The following UNC79 variants were observed in gnomAD, a reference collection of about 807,000 sequenced individuals.
UNC79 encodes protein unc-79 homolog.
UNC79 carries 37 observed loss-of-function variants against 283.1 expected under a neutral mutation model. That is an observed-to-expected ratio of 0.13 (90% CI 0.10 to 0.17). The LOEUF (loss-of-function observed/expected upper bound fraction) is 0.17, where lower values mean the gene tolerates loss of function less well. Ranked by LOEUF, UNC79 falls within the 10% of genes least tolerant of loss-of-function variation. The probability of loss-of-function intolerance (pLI) is 1.00; values close to 1 mark genes in which losing one functional copy is unlikely to be tolerated. For synonymous variants in UNC79, 1,107 were observed against 1,200.2 expected, an observed-to-expected ratio of 0.92 and a Z score of 1.61; for missense variants, 2,272 against 3,211.1, an observed-to-expected ratio of 0.71 and a Z score of 7.07.
chr14:93,463,062 A>G (rs1234755151), intron 1 of UNC79, among the ~76,000 whole-genome samples: 2 of 152,224 alleles, frequency 1.3e-5, no homozygotes, highest in East Asian at 3.9e-4. Context: ...AGCCCTGATG[A>G]ATTCCAACAC....
intron 30 of UNC79, among the ~76,000 whole-genome samples, chr14:93,626,542 G>A (rs981273685): frequency 6.6e-6 from 1 of 151,972 alleles, no homozygotes; most frequent in Non-Finnish European, 1.5e-5. Context: ...CTTGATCCAT[G>A]TTCTCCCAAC....
chr14:93,691,990 G>T, intron 46 of UNC79, 44 bp downstream of exon 49: 1 of 1,592,766 alleles, frequency 6.3e-7, no homozygotes, highest in Non-Finnish European at 8.6e-7. Context: ...GAATCTCAAA[G>T]TGTCCACACC....
intron 41 of UNC79, among the ~76,000 whole-genome samples, chr14:93,680,396 TAG>T (rs1306046536): frequency 2.0e-5 from 3 of 152,202 alleles, no homozygotes; most frequent in Admixed American, 2.0e-4. Context: ...ACCATCCTTA[TAG>T]AGACAGCTCT....
upstream of UNC79, among the ~76,000 whole-genome samples, chr14:93,425,711 ATAAATT>A (rs2055711645): frequency 6.6e-6 from 1 of 152,230 alleles, no homozygotes; most frequent in South Asian, 2.1e-4. Context: ...AAACATAAAC[ATAAATT>A]TAAGTTGAAA....
intron 1 of UNC79, among the ~76,000 whole-genome samples, chr14:93,402,305 GAAA>G (rs1226529529): frequency 1.8e-5 from 2 of 113,072 alleles, no homozygotes; most frequent in African/African-American, 6.5e-5. Context: ...GAAAAGAAAA[GAAA>G]AAAAAAACCA....
chr14:93,646,707 G>A, intron 35 of UNC79, 61 bp downstream of exon 38: 2 of 1,588,064 alleles, frequency 1.3e-6, no homozygotes, highest in Non-Finnish European at 1.7e-6. Flanking sequence ...TGTTCATCCT[G>A]TTTCTAAAAC....
intron 1 of UNC79, among the ~76,000 whole-genome samples, chr14:93,457,217 TTA>T (rs2056821152): frequency 6.6e-6 from 1 of 152,242 alleles, no homozygotes; most frequent in Admixed American, 6.5e-5. Context: ...CAGACACTTA[TTA>T]AATGCTGGAT....
At chr14:93,367,656 G>C (rs1366666230) in intron 1 of UNC79, among the ~76,000 whole-genome samples, 2 of 152,060 alleles carry the variant, frequency 1.3e-5, no homozygotes, top group Non-Finnish European at 2.9e-5. Context: ...AACATAAGAG[G>C]GTAGGAATAA....
intron 30 of UNC79, among the ~76,000 whole-genome samples, chr14:93,628,630 C>T (rs117854726): frequency 0.015 from 2,318 of 152,198 alleles, 37 homozygotes; most frequent in South Asian, 0.077. Context: ...CACAAGTGAC[C>T]AATAGAGAGC....
At chr14:93,349,879 A>T (rs67705466) in intron 1 of UNC79, among the ~76,000 whole-genome samples, 11,565 of 152,312 alleles carry the variant, frequency 0.076, 490 homozygotes, top group Middle Eastern at 0.14. Flanking sequence ...TTTAAATGAC[A>T]ACTAGTTTTG....
chr14:93,677,861 G>C (rs1310828809), intron 41 of UNC79, among the ~76,000 whole-genome samples: 1 of 152,158 alleles, frequency 6.6e-6, no homozygotes, highest in Non-Finnish European at 1.5e-5. Flanking sequence ...TGTTGATCAG[G>C]CTGGTCTCAA....
chr14:93,602,602 G>A (rs1009168725), intron 25 of UNC79, among the ~76,000 whole-genome samples: 5 of 152,180 alleles, frequency 3.3e-5, no homozygotes, highest in Non-Finnish European at 4.4e-5. Flanking sequence ...TTTTGGTTCC[G>A]TAGGAATTTT....
At chr14:93,600,798 A>G in intron 25 of UNC79, 28 bp downstream of exon 25, 1 of 1,605,102 alleles carries the variant, frequency 6.2e-7, no homozygotes, top group Non-Finnish European at 8.5e-7. Context: ...CTTGCTGTAA[A>G]CCGTTGCAGT....
intron 5 of UNC79, among the ~76,000 whole-genome samples, chr14:93,488,165 A>G (rs1366975326): frequency 6.6e-6 from 1 of 152,266 alleles, no homozygotes; most frequent in Non-Finnish European, 1.5e-5. Flanking sequence ...GAATAAACCA[A>G]CAAAAGAGGG....
At chr14:93,668,434 G>T (rs780857746) in intron 40 of UNC79, among the ~76,000 whole-genome samples, 5 of 152,156 alleles carry the variant, frequency 3.3e-5, no homozygotes, top group Non-Finnish European at 5.9e-5. Flanking sequence ...GCAATGGCTG[G>T]GTGTGGTGGC....
chr14:93,619,056 T>C (rs895074945), intron 29 of UNC79, among the ~76,000 whole-genome samples: 9 of 152,212 alleles, frequency 5.9e-5, no homozygotes, highest in Non-Finnish European at 1.0e-4. Flanking sequence ...AAAAACCAAG[T>C]GTCCACTGAC....
At chr14:93,570,537 C>T (rs1384734908) in intron 14 of UNC79, among the ~76,000 whole-genome samples, 2 of 152,156 alleles carry the variant, frequency 1.3e-5, no homozygotes, top group Non-Finnish European at 2.9e-5. Flanking sequence ...TCAGCCTTCC[C>T]CTGGGCCATG....
intron 2 of UNC79, among the ~76,000 whole-genome samples, chr14:93,472,218 G>T (rs1165770489): frequency 6.6e-6 from 1 of 152,122 alleles, no homozygotes; most frequent in Non-Finnish European, 1.5e-5. Context: ...TTTTCAGTGG[G>T]ATTAGAATCC....
At chr14:93,577,527 G>A (rs1005819277) in intron 17 of UNC79, among the ~76,000 whole-genome samples, 8 of 151,800 alleles carry the variant, frequency 5.3e-5, no homozygotes, top group African/African-American at 9.7e-5. Context: ...CTCATTTTTC[G>A]GGGTACAATT....
Sources: allele counts gnomAD v4.1 joint callset (sites outside exome capture counted in the v4.1 genomes callset), GRCh38; gene constraint gnomAD v4.1.1; transcripts MANE v1.5; gene names NCBI Gene and HGNC (gene_info 2026-07-23, HGNC 2026-07-21).